Variants in MACROD2 observed in about 807,000 individuals in gnomAD.
MACROD2 encodes ADP-ribose glycohydrolase MACROD2.
A neutral mutation model predicts 70.4 loss-of-function variants in MACROD2; 36 were observed. The observed-to-expected ratio is 0.51, with a 90% CI of 0.39 to 0.68. The LOEUF is 0.68. MACROD2 is among the 30% of genes least tolerant of loss of function. The probability of loss-of-function intolerance (pLI) is 0.00; values close to 1 mark genes in which losing one functional copy is unlikely to be tolerated. For synonymous variants in MACROD2, 172 were observed against 178.8 expected, an observed-to-expected ratio of 0.96 and a Z score of 0.30; for missense variants, 496 against 538.4, an observed-to-expected ratio of 0.92 and a Z score of 0.78.
rs566662364 is a variant in MACROD2, at chr20:14,817,590, C to T, written c.418+132631C>T. On this transcript the variant is annotated intron_variant, in intron 5 of 17. Coordinates refer to ENST00000684519, the MANE Select transcript of MACROD2 (RefSeq NM_001351661.2). ...CGTTGACTTCTGTATTCTTCATATA[C>T]GTTTTTTGTCTCAATTTGAGTTTCT... Among the ~76,000 whole-genome samples the T allele has an allele frequency of 5.9e-5, 9 of 152,248 alleles. No individual in the cohort carries two copies. In the South Asian group the frequency reaches 6.2e-4, roughly 11 times the overall value.
intron 8 of MACROD2, among the ~76,000 whole-genome samples, chr20:15,628,163 T>A (rs571509247): frequency 4.6e-5 from 7 of 152,336 alleles, no homozygotes; most frequent in Admixed American, 3.9e-4. Context: ...ATGGGTTTTA[T>A]GTATTGTGTA....
At chr20:15,859,932 G>A (rs966691456) in intron 8 of MACROD2, among the ~76,000 whole-genome samples, 13 of 152,150 alleles carry the variant, frequency 8.5e-5, no homozygotes, top group African/African-American at 2.9e-4. Context: ...TCAGGAGATC[G>A]AGACCATCCT....
intron 3 of MACROD2, among the ~76,000 whole-genome samples, chr20:14,367,601 T>A (rs780204886): frequency 2.0e-5 from 3 of 152,210 alleles, no homozygotes; most frequent in Non-Finnish European, 2.9e-5. Flanking sequence ...TTATTTAACT[T>A]CTTCTATGAT....
At chr20:14,885,828 A>C (rs558802921) in intron 5 of MACROD2, among the ~76,000 whole-genome samples, 1 of 152,292 alleles carries the variant, frequency 6.6e-6, no homozygotes, top group East Asian at 1.9e-4. Flanking sequence ...ATTTCAAGTT[A>C]GTTTTCAATT....
intron 5 of MACROD2, among the ~76,000 whole-genome samples, chr20:14,845,865 C>A (rs1381373346): frequency 6.6e-6 from 1 of 152,028 alleles, no homozygotes; most frequent in Non-Finnish European, 1.5e-5. Flanking sequence ...GTTCCTTCCC[C>A]CAAACGGCAT....
chr20:14,295,405 A>G (rs2122466621), intron 3 of MACROD2, among the ~76,000 whole-genome samples: 1 of 151,948 alleles, frequency 6.6e-6, no homozygotes, highest in South Asian at 2.1e-4. Flanking sequence ...CGGCCCAACA[A>G]TTGTCCCAGC....
intron 5 of MACROD2, among the ~76,000 whole-genome samples, chr20:14,872,869 G>A (rs917527499): frequency 1.3e-5 from 2 of 152,186 alleles, no homozygotes; most frequent in East Asian, 1.9e-4. Context: ...TGGCTGAAGG[G>A]GAAGGGGAAG....
chr20:16,013,575 T>C (rs2066892260), intron 15 of MACROD2, among the ~76,000 whole-genome samples: 2 of 152,244 alleles, frequency 1.3e-5, no homozygotes, highest in African/African-American at 4.8e-5. Flanking sequence ...TGCTGCACCC[T>C]GAACCCTTGC....
At chr20:15,430,971 G>A (rs1437655962) in intron 6 of MACROD2, among the ~76,000 whole-genome samples, 2 of 151,936 alleles carry the variant, frequency 1.3e-5, no homozygotes, top group African/African-American at 4.8e-5. Flanking sequence ...CCATGGAGCT[G>A]GAAAGAGAGA....
chr20:15,245,367 G>C (rs1395420579), intron 6 of MACROD2, among the ~76,000 whole-genome samples: 2 of 151,996 alleles, frequency 1.3e-5, no homozygotes, highest in Non-Finnish European at 2.9e-5. Flanking sequence ...ATGCTGTTAT[G>C]GCACTCAAAA....
chr20:15,948,103 T>C (rs1010343716), intron 12 of MACROD2, among the ~76,000 whole-genome samples: 1 of 152,088 alleles, frequency 6.6e-6, no homozygotes, highest in African/African-American at 2.4e-5. Context: ...CTGGATTTCC[T>C]AGGCCGACTA....
intron 8 of MACROD2, among the ~76,000 whole-genome samples, chr20:15,532,655 C>T (rs909337317): frequency 7.8e-6 from 1 of 127,558 alleles, no homozygotes; most frequent in African/African-American, 4.0e-5. Context: ...CAAAATAAAC[C>T]AAAAAATAAG....
chr20:15,943,315 C>T (rs2065776309), intron 12 of MACROD2, among the ~76,000 whole-genome samples: 2 of 152,102 alleles, frequency 1.3e-5, no homozygotes, highest in African/African-American at 4.8e-5. Context: ...GAAACAAAAC[C>T]AAGGCCACCA....
intron 4 of MACROD2, among the ~76,000 whole-genome samples, chr20:14,507,634 A>T (rs452664): frequency 2.6e-5 from 4 of 152,094 alleles, no homozygotes; most frequent in Admixed American, 2.6e-4. Context: ...TCAGAGAATT[A>T]TATTATATTG....
chr20:15,264,455 T>C (rs1601320891), intron 6 of MACROD2, among the ~76,000 whole-genome samples: 3 of 152,284 alleles, frequency 2.0e-5, no homozygotes, highest in South Asian at 4.1e-4. Context: ...ACATTTATTA[T>C]GTACATACAC....
chr20:15,073,664 A>C (rs2075636323), intron 5 of MACROD2, among the ~76,000 whole-genome samples: 1 of 152,206 alleles, frequency 6.6e-6, no homozygotes, highest in Admixed American at 6.5e-5. Context: ...ATATACTTTC[A>C]AGTCCAGCTC....
Position 14,070,516 on chromosome 20 carries a change from A to G in MACROD2, c.164-15105A>G, listed in dbSNP as rs564526670. Among the ~76,000 whole-genome samples, 18 of 152,270 alleles carry G rather than the reference A, an allele frequency of 1.2e-4. No homozygotes were observed. The South Asian group carries it at 3.7e-3, about 32-fold the overall frequency. ...ATTTTTCTGATCATCTTGATAATAC[A>G]TTTATTATAATTTCATTTTTACATT... is the stretch of plus-strand genomic sequence containing the variant. On this transcript the variant is annotated intron_variant, in intron 2 of 17. Coordinates refer to ENST00000684519, the MANE Select transcript of MACROD2 (RefSeq NM_001351661.2).
chr20:15,730,706 ATTTCC>A (rs1362726446), intron 8 of MACROD2, among the ~76,000 whole-genome samples: 4 of 151,372 alleles, frequency 2.6e-5, no homozygotes, highest in Non-Finnish European at 4.4e-5. Flanking sequence ...GATTCTCTCC[ATTTCC>A]TGAATTTGAA....
intron 4 of MACROD2, among the ~76,000 whole-genome samples, chr20:14,542,293 T>C (rs536680912): frequency 1.2e-4 from 18 of 152,384 alleles, no homozygotes; most frequent in Non-Finnish European, 2.4e-4. Context: ...TCACTTCATG[T>C]GCTGCTCTTT....
Sources: allele counts gnomAD v4.1 joint callset (sites outside exome capture counted in the v4.1 genomes callset), GRCh38; gene constraint gnomAD v4.1.1; transcripts MANE v1.5; gene names NCBI Gene and HGNC (gene_info 2026-07-23, HGNC 2026-07-21).